The following SIMC1 variants were observed in gnomAD, a reference collection of about 807,000 sequenced individuals.
SIMC1 encodes the protein SUMO interacting motifs containing 1.
SIMC1 carries 55 observed loss-of-function variants against 82.3 expected under a neutral mutation model. The observed-to-expected ratio is 0.67, with a 90% CI of 0.54 to 0.84. The LOEUF is 0.84. Ranked by LOEUF, SIMC1 falls within the 40% of genes least tolerant of loss-of-function variation. SIMC1 has a pLI of 0.00. For synonymous variants in SIMC1, 353 were observed against 426.3 expected, an observed-to-expected ratio of 0.83 and a Z score of 2.12; for missense variants, 915 against 1,107.2, an observed-to-expected ratio of 0.83 and a Z score of 2.46.
chr5:176,251,311 G>T (rs1418343033), intron 1 of SIMC1, among the ~76,000 whole-genome samples: 1 of 152,194 alleles, frequency 6.6e-6, no homozygotes. Flanking sequence ...AGCAAGCCAA[G>T]GTCGTGCCAC....
intron 1 of SIMC1, among the ~76,000 whole-genome samples, chr5:176,255,186 G>C (rs899941207): frequency 2.0e-5 from 3 of 152,058 alleles, no homozygotes; most frequent in African/African-American, 7.2e-5. Flanking sequence ...TGAGGTTGCA[G>C]TGAGCTGAGA....
intron 2 of SIMC1, among the ~76,000 whole-genome samples, chr5:176,293,856 A>G (rs1014214503): frequency 6.6e-6 from 1 of 152,194 alleles, no homozygotes; most frequent in Non-Finnish European, 1.5e-5. Context: ...TGTTATGGAA[A>G]AATTGAAAAA....
At chr5:176,286,687 G>A (rs201210200) in intron 1 of SIMC1, among the ~76,000 whole-genome samples, 151 of 122,048 alleles carry the variant, frequency 1.2e-3, no homozygotes, top group African/African-American at 4.2e-3. Context: ...CCATCAGAGT[G>A]AACAGGCAAC....
At chr5:176,264,671 T>A (rs1471784138) in intron 1 of SIMC1, among the ~76,000 whole-genome samples, 1 of 151,678 alleles carries the variant, frequency 6.6e-6, no homozygotes, top group Non-Finnish European at 1.5e-5. Flanking sequence ...AAAATGCTTG[T>A]TCCTTCCCTA....
intron 7 of SIMC1, among the ~76,000 whole-genome samples, chr5:176,330,694 CCTTT>C (rs1765610018): frequency 1.3e-5 from 2 of 152,032 alleles, no homozygotes; most frequent in Non-Finnish European, 2.9e-5. Context: ...GACGGGACCC[CCTTT>C]CTTACAGTAA....
At chr5:176,307,069 G>A (rs1003961618) in intron 4 of SIMC1, among the ~76,000 whole-genome samples, 6 of 152,080 alleles carry the variant, frequency 3.9e-5, no homozygotes, top group African/African-American at 1.4e-4. Context: ...AATATAACTA[G>A]TTATTAGAGG....
At chr5:176,270,012 C>T (rs1356905611) in intron 1 of SIMC1, among the ~76,000 whole-genome samples, 3 of 151,672 alleles carry the variant, frequency 2.0e-5, no homozygotes, top group Non-Finnish European at 4.4e-5. Flanking sequence ...CCGCCTAGGC[C>T]TCCCAAAGTG....
At chr5:176,265,989 G>T (rs1431685496) in intron 1 of SIMC1, among the ~76,000 whole-genome samples, 1 of 152,140 alleles carries the variant, frequency 6.6e-6, no homozygotes, top group Non-Finnish European at 1.5e-5. Context: ...AGTATGTACA[G>T]TGTGCTATGG....
intron 6 of SIMC1, 54 bp downstream of exon 6, chr5:176,322,479 G>A: frequency 6.4e-7 from 1 of 1,552,986 alleles, no homozygotes; most frequent in Non-Finnish European, 8.7e-7. Context: ...GTGTTTTAGA[G>A]AGAACAACAC....
intron 1 of SIMC1, among the ~76,000 whole-genome samples, chr5:176,245,299 T>G (rs1761400468): frequency 2.6e-5 from 4 of 152,160 alleles, no homozygotes; most frequent in Admixed American, 1.3e-4. Flanking sequence ...ACCGAAGTTA[T>G]GCAGCTGCAA....
At chr5:176,264,995 A>ACAT (rs1203609868) in intron 1 of SIMC1, among the ~76,000 whole-genome samples, 1 of 152,134 alleles carries the variant, frequency 6.6e-6, no homozygotes, top group Non-Finnish European at 1.5e-5. Context: ...ATAGGGAGAT[A>ACAT]CCATTTCTAC....
At chr5:176,325,813 T>C (rs183557692) in intron 7 of SIMC1, among the ~76,000 whole-genome samples, 1 of 152,270 alleles carries the variant, frequency 6.6e-6, no homozygotes, top group African/African-American at 2.4e-5. Context: ...CACTAAAGGC[T>C]TGGTGGGTGA....
At chr5:176,309,139 A>G (rs1764550629) in intron 4 of SIMC1, 1 of 620,224 alleles carries the variant, frequency 1.6e-6, no homozygotes, top group Non-Finnish European at 2.8e-6. Flanking sequence ...ATAAAGCTGT[A>G]GTAATCAAGA....
intron 9 of SIMC1, among the ~76,000 whole-genome samples, chr5:176,337,463 G>A (rs752844791): frequency 6.6e-6 from 1 of 152,148 alleles, no homozygotes; most frequent in African/African-American, 2.4e-5. Flanking sequence ...GCGTGGTGGT[G>A]TATGCCTGTA....
chr5:176,307,627 C>G (rs974590035), intron 4 of SIMC1, among the ~76,000 whole-genome samples: 4 of 152,152 alleles, frequency 2.6e-5, no homozygotes, highest in Non-Finnish European at 5.9e-5. Context: ...GTCGTGATCT[C>G]CTGACCTCAT....
At chr5:176,272,383 G>GCA (rs1554106827) in intron 1 of SIMC1, among the ~76,000 whole-genome samples, 1 of 107,452 alleles carries the variant, frequency 9.3e-6, no homozygotes, top group Non-Finnish European at 2.3e-5. Flanking sequence ...TTGCAATAAG[G>GCA]CAAAAAAAAA....
At chr5:176,270,862 G>GC (rs1216732313) in intron 1 of SIMC1, among the ~76,000 whole-genome samples, 2 of 152,168 alleles carry the variant, frequency 1.3e-5, no homozygotes, top group Non-Finnish European at 2.9e-5. Flanking sequence ...GGGCTAAGGT[G>GC]CTCTGGGGTG....
chr5:176,338,746 C>G (rs1766009154), intron 9 of SIMC1, among the ~76,000 whole-genome samples: 1 of 151,484 alleles, frequency 6.6e-6, no homozygotes, highest in Non-Finnish European at 1.5e-5. Flanking sequence ...AGTAAGATAG[C>G]TCTCAGACCC....
intron 1 of SIMC1, among the ~76,000 whole-genome samples, chr5:176,254,369 T>C (rs975605128): frequency 4.6e-5 from 7 of 151,696 alleles, no homozygotes; most frequent in Non-Finnish European, 1.0e-4. Flanking sequence ...TGTCAACTTA[T>C]TGTCCTGGTT....
Sources: allele counts gnomAD v4.1 joint callset (sites outside exome capture counted in the v4.1 genomes callset), GRCh38; gene constraint gnomAD v4.1.1; transcripts MANE v1.5; gene names NCBI Gene and HGNC (gene_info 2026-07-23, HGNC 2026-07-21).